The following CRYBG1 variants were observed in gnomAD, a reference collection of about 807,000 sequenced individuals.
CRYBG1 encodes beta/gamma crystallin domain-containing protein 1.
In CRYBG1, 139 loss-of-function variants were observed where a neutral mutation model predicts 189.2. The observed-to-expected ratio is 0.73, with a 90% CI of 0.64 to 0.85. The LOEUF is 0.85. CRYBG1 is among the 40% of genes least tolerant of loss of function. The pLI, the probability that CRYBG1 is intolerant of heterozygous loss-of-function variation, is 0.00. For synonymous variants in CRYBG1, 1,023 were observed against 1,017.1 expected (o/e 1.01, Z -0.11); for missense variants, 2,611 against 2,675.8 (o/e 0.98, Z 0.53).
chr6:106,469,290 A>G (rs369537640), intron 2 of CRYBG1, among the ~76,000 whole-genome samples: 16 of 152,198 alleles, frequency 1.1e-4, no homozygotes, highest in Admixed American at 5.2e-4. Context: ...CTCAGACATG[A>G]CTGCCTCAAC....
At chr6:106,419,085 G>C (rs1343621572) in intron 1 of CRYBG1, among the ~76,000 whole-genome samples, 1 of 152,194 alleles carries the variant, frequency 6.6e-6, no homozygotes, top group Non-Finnish European at 1.5e-5. Flanking sequence ...GGTTGACAAA[G>C]AAAAGGGAAG....
chr6:106,449,943 G>A (rs536886321), intron 1 of CRYBG1, among the ~76,000 whole-genome samples: 1 of 151,952 alleles, frequency 6.6e-6, no homozygotes, highest in Non-Finnish European at 1.5e-5. Context: ...TATGTACAGG[G>A]GCCAGGCACA....
intron 1 of CRYBG1, among the ~76,000 whole-genome samples, chr6:106,379,412 C>A (rs1272431774): frequency 6.6e-6 from 1 of 151,814 alleles, no homozygotes; most frequent in Non-Finnish European, 1.5e-5. Flanking sequence ...CAGGCACCTG[C>A]CACCATGCCT....
chr6:106,382,297 C>T (rs72947624), intron 1 of CRYBG1, among the ~76,000 whole-genome samples: 18,935 of 152,120 alleles, frequency 0.12, 1,391 homozygotes, highest in East Asian at 0.23. Context: ...CAAAACTACA[C>T]GGGGAATCTG....
At chr6:106,379,132 G>A (rs972448423) in intron 1 of CRYBG1, among the ~76,000 whole-genome samples, 21 of 152,316 alleles carry the variant, frequency 1.4e-4, no homozygotes, top group African/African-American at 5.1e-4. Context: ...CTGGGCGATA[G>A]AGCCAGACTC....
At chr6:106,554,786 A>G (rs1315726704) in intron 16 of CRYBG1, among the ~76,000 whole-genome samples, 1 of 152,142 alleles carries the variant, frequency 6.6e-6, no homozygotes, top group Non-Finnish European at 1.5e-5. Context: ...ACTTCAGGAG[A>G]GCAGGGACTT....
At chr6:106,503,490 T>G (rs554102102) in intron 2 of CRYBG1, among the ~76,000 whole-genome samples, 1 of 152,346 alleles carries the variant, frequency 6.6e-6, no homozygotes, top group African/African-American at 2.4e-5. Context: ...TTTCTAATGA[T>G]ACATTATAAT....
At chr6:106,383,424 AT>A (rs1770324989) in intron 1 of CRYBG1, among the ~76,000 whole-genome samples, 1 of 152,218 alleles carries the variant, frequency 6.6e-6, no homozygotes, top group South Asian at 2.1e-4. Context: ...CTCTAGTTTA[AT>A]GTTCATAAAT....
chr6:106,392,421 A>G (rs2353594), intron 1 of CRYBG1, among the ~76,000 whole-genome samples: 80,071 of 151,812 alleles, frequency 0.53, 21,721 homozygotes, highest in African/African-American at 0.65. Context: ...AAATAACAAG[A>G]CAAATAAAGA....
intron 1 of CRYBG1, among the ~76,000 whole-genome samples, chr6:106,367,068 A>G (rs1772014795): frequency 6.6e-6 from 1 of 152,222 alleles, no homozygotes; most frequent in Non-Finnish European, 1.5e-5. Context: ...TCTACTTGAC[A>G]TTACAGGAGT....
intron 1 of CRYBG1, among the ~76,000 whole-genome samples, chr6:106,419,065 C>T (rs904551734): frequency 6.6e-6 from 1 of 152,216 alleles, no homozygotes; most frequent in African/African-American, 2.4e-5. Context: ...CTGCCCCTTA[C>T]TGTACACATG....
At chr6:106,513,251 C>T (rs1773342080) in intron 3 of CRYBG1, among the ~76,000 whole-genome samples, 1 of 152,212 alleles carries the variant, frequency 6.6e-6, no homozygotes, top group African/African-American at 2.4e-5. Flanking sequence ...CCCTTTTTAA[C>T]ACAAGATTTA....
At chr6:106,389,929 G>T (rs1770468951) in intron 1 of CRYBG1, among the ~76,000 whole-genome samples, 1 of 152,008 alleles carries the variant, frequency 6.6e-6, no homozygotes, top group South Asian at 2.1e-4. Flanking sequence ...TTTCATAATA[G>T]CTATGAAAAT....
At chr6:106,444,867 C>T (rs1200256558) in intron 1 of CRYBG1, among the ~76,000 whole-genome samples, 1 of 152,144 alleles carries the variant, frequency 6.6e-6, no homozygotes, top group Non-Finnish European at 1.5e-5. Flanking sequence ...GACTTGGTGG[C>T]TCACACCTGT....
At chr6:106,545,366 T>C (rs1381756824) in intron 13 of CRYBG1, among the ~76,000 whole-genome samples, 1 of 152,254 alleles carries the variant, frequency 6.6e-6, no homozygotes, top group African/African-American at 2.4e-5. Context: ...TTGTTCTATG[T>C]ACGTGGAGTT....
chr6:106,393,716 C>T (rs1429379384), intron 1 of CRYBG1, among the ~76,000 whole-genome samples: 2 of 146,570 alleles, frequency 1.4e-5, no homozygotes, highest in Admixed American at 1.4e-4. Flanking sequence ...TGCTCTGTTG[C>T]CTAGGTTGGA....
In CRYBG1 at chr6:106,520,636, T is replaced by C. The variant is rs776895259; in HGVS notation, c.3428T>C (p.Ile1143Thr). 1 of 1,614,216 alleles carries C rather than the reference T, an allele frequency of 6.2e-7. No homozygotes were observed. Among genetic ancestry groups the C allele is most frequent in the Non-Finnish European group, 8.5e-7 (1 of 1,180,034 alleles). ...GCTCCTCACTTTGCCATGCCTCCTA[T>C]TCACGAAGACCATTTAGAAAAGGTG... ...SPAPHFAMPP[I>T]HEDHLEKVFD... Residue 1143 changes from isoleucine to threonine, a missense_variant, in exon 4 of 22, where the codon ATT becomes ACT. Physicochemically the swap from Ile to Thr is moderately conservative, Grantham distance 89. Around this residue, in one of 3 missense-constraint regions of CRYBG1, gnomAD observed 1,622 missense variants for 1,735.0 expected, o/e 0.93. Coordinates refer to ENST00000633556, the MANE Select transcript of CRYBG1 (RefSeq NM_001371242.2).
intron 1 of CRYBG1, among the ~76,000 whole-genome samples, chr6:106,369,429 A>G (rs1202192388): frequency 1.3e-5 from 2 of 152,158 alleles, no homozygotes; most frequent in African/African-American, 2.4e-5. Context: ...ACTGAGTCTC[A>G]GTCATTAGAA....
At chr6:106,548,582 C>T (rs1300117780) in intron 13 of CRYBG1, among the ~76,000 whole-genome samples, 3 of 152,136 alleles carry the variant, frequency 2.0e-5, no homozygotes, top group Non-Finnish European at 2.9e-5. Context: ...TCCCTCCAAA[C>T]CTTGAAGTCA....
Sources: gnomAD v4.1 joint callset for allele counts (sites outside exome capture counted in the v4.1 genomes callset) on GRCh38, gnomAD v4.1.1 for gene constraint, gnomAD v4.1.1 regional missense constraint, MANE v1.5 for transcripts, NCBI Gene and HGNC (gene_info 2026-07-23, HGNC 2026-07-21) for gene names.